Variants in SLC13A5 observed in about 807,000 individuals in gnomAD.
SLC13A5 encodes the protein solute carrier family 13 member 5, also known as Na(+)/citrate cotransporter.
A neutral mutation model predicts 56.5 loss-of-function variants in SLC13A5; 25 were observed. The observed-to-expected ratio is 0.44, with a 90% CI of 0.32 to 0.62. SLC13A5 has a LOEUF of 0.62. Among genes scored for constraint, SLC13A5 ranks in the 20% least tolerant of loss-of-function variants. The pLI, the probability that SLC13A5 is intolerant of heterozygous loss-of-function variation, is 0.04. For synonymous variants in SLC13A5, 307 were observed against 301.5 expected (o/e 1.02, Z -0.19); for missense variants, 649 against 737.8 (o/e 0.88, Z 1.39).
chr17:6,705,235 G>A (rs564145446), intron 3 of SLC13A5: 1 of 152,352 alleles, frequency 6.6e-6, no homozygotes, highest in East Asian at 1.9e-4. Flanking sequence ...AGTTGTCTGA[G>A]AAGAACCAAG....
In SLC13A5 at chr17:6,702,958, C is replaced by G. The variant is rs750283400; in HGVS notation, c.716+12G>C. 2 of 1,606,692 alleles carry G rather than the reference C, an allele frequency of 1.2e-6. No homozygotes were observed. The highest frequency in any genetic ancestry group is 1.3e-5 in the African/African-American group (1 of 74,866). On this transcript the variant is annotated intron_variant, in intron 5 of 11. Coordinates refer to ENST00000433363, the MANE Select transcript of SLC13A5 (RefSeq NM_177550.5). ...ACTTCGTTGTCCCCAGAAGGTGCGACCAAGGACTCACTCGTTCATCTGGCC... is the reference window on the plus strand; with the variant it reads ...ACTTCGTTGTCCCCAGAAGGTGCGAGCAAGGACTCACTCGTTCATCTGGCC...
chr17:6,699,750 C>T (rs1160519169), intron 6 of SLC13A5, among the ~76,000 whole-genome samples: 11 of 151,918 alleles, frequency 7.2e-5, no homozygotes, highest in Non-Finnish European at 1.5e-4. Flanking sequence ...GGATTTCAGG[C>T]GTGGGCTACC....
chr17:6,706,559 G>T, intron 3 of SLC13A5, 83 bp downstream of exon 3: 1 of 1,540,198 alleles, frequency 6.5e-7, no homozygotes, highest in Non-Finnish European at 8.8e-7. Context: ...CCAGTGGATG[G>T]CCTGGTCTGT....
chr17:6,706,978 G>C (rs984931378), intron 2 of SLC13A5, 50 bp downstream of exon 2: 1 of 1,430,304 alleles, frequency 7.0e-7, no homozygotes, highest in African/African-American at 1.4e-5. Context: ...ACTAGAGAAA[G>C]AGAGAAGGGG....
At position 6,687,800 on chromosome 17, in the gene SLC13A5, T is replaced by C. The variant is rs1973291024; in HGVS notation, c.1438-134A>G. On this transcript the variant is annotated intron_variant, in intron 10 of 11. Coordinates refer to ENST00000433363, the MANE Select transcript of SLC13A5 (RefSeq NM_177550.5). This position sits in a 1 kb window ranked among gnomAD's most constrained non-coding sequence, Gnocchi z 5.0. ...CCTCAGTCTTGGTTCCTCTCCCTTT[T>C]GCCACGTCTCTGGCAGATAATTCCA... The C allele has an allele frequency of 1.1e-5, 12 of 1,138,218 alleles. No homozygotes were observed. Among genetic ancestry groups the C allele is most frequent in the South Asian group, 8.1e-5 (4 of 49,674 alleles). 70.5% of individuals were successfully genotyped at this position (1,138,218 alleles called of 1,614,324 possible).
chr17:6,691,033 C>T, intron 9 of SLC13A5, 93 bp from the exon 10 acceptor site: 1 of 1,401,570 alleles, frequency 7.1e-7, no homozygotes, highest in South Asian at 1.4e-5. Flanking sequence ...CCCTCCCGAC[C>T]CTCTCTCTCT....
chr17:6,693,075 C>T lies in SLC13A5; in HGVS notation c.1244G>A (p.Gly415Glu). ...KVPWGIVLLLGGGFALAKGSE... is the reference protein window; with the variant it reads ...KVPWGIVLLLEGGFALAKGSE... ...TCCTTTAGCCAGAGCAAATCCGCCCCCTAGTAGCAGCACGATGCCCCAGGG... is the reference window on the plus strand; with the variant it reads ...TCCTTTAGCCAGAGCAAATCCGCCCTCTAGTAGCAGCACGATGCCCCAGGG... Residue 415 changes from glycine to glutamate, a missense_variant, in exon 9 of 12, where the codon GGG (glycine) becomes GAG (glutamate). Coordinates refer to ENST00000433363, the MANE Select transcript of SLC13A5 (RefSeq NM_177550.5). 6.2e-6 allele frequency: 10 copies of T among 1,614,084 alleles called. No homozygotes were observed. The highest frequency in any genetic ancestry group is 8.5e-6 in the Non-Finnish European group (10 of 1,180,018).
chr17:6,713,197 G>T lies in SLC13A5; in HGVS notation c.102+35C>A. 1 of 1,601,088 alleles carries T rather than the reference G, an allele frequency of 6.2e-7. No individual in the cohort carries two copies. On this transcript the variant is annotated intron_variant, in intron 1 of 11. Coordinates refer to ENST00000433363, the MANE Select transcript of SLC13A5 (RefSeq NM_177550.5). This position sits in a 1 kb window ranked among gnomAD's most constrained non-coding sequence, Gnocchi z 7.3. ...TGCCCGTTAGTGGGCACAGGACGCC[G>T]GGTGTCCGAAGGGCTGCCTGGAGAT...
chr17:6,706,103 C>T (rs1973856789), intron 3 of SLC13A5, among the ~76,000 whole-genome samples: 1 of 152,126 alleles, frequency 6.6e-6, no homozygotes, highest in African/African-American at 2.4e-5. Flanking sequence ...TATATTGACT[C>T]CATGGCTTAG....
intron 1 of SLC13A5, among the ~76,000 whole-genome samples, chr17:6,709,021 G>T: frequency 7.6e-6 from 1 of 131,110 alleles, no homozygotes; most frequent in Admixed American, 8.0e-5. Context: ...GACAGGGTCT[G>T]GCTCTGTTGC....
At chr17:6,700,445 G>T (rs528147231) in intron 6 of SLC13A5, among the ~76,000 whole-genome samples, 9 of 152,212 alleles carry the variant, frequency 5.9e-5, no homozygotes, top group African/African-American at 2.2e-4. Context: ...GAGCGTATGC[G>T]CTCAGCTCAG....
chr17:6,699,084 TAAATAAAATA>T lies in SLC13A5; in HGVS notation c.839+1910_839+1919del, dbSNP rs377237327. On this transcript the variant is annotated intron_variant, in intron 6 of 11. Transcript: ENST00000433363. The stretch of plus-strand genomic sequence containing the variant: ...ATAAATAAATAAATAAATAAATAAA[TAAATAAAATA>T]AAATAAAATAAAATAAAGAAAGGAA... Among the ~76,000 whole-genome samples the T allele has an allele frequency of 2.8e-3, 327 of 115,290 alleles. 2 individuals are homozygous for T. The highest frequency in any genetic ancestry group is 3.2e-3 in the Non-Finnish European group (175 of 54,886). The allele number at this position is 115,290 out of a possible 152,430, so 75.6% of individuals were successfully genotyped here.
chr17:6,706,240 A>G (rs1241031715), intron 3 of SLC13A5, among the ~76,000 whole-genome samples: 1 of 152,092 alleles, frequency 6.6e-6, no homozygotes. Context: ...GCTTGGAGAG[A>G]GGACCTTTCT....
chr17:6,693,291 A>T (rs74913999), intron 8 of SLC13A5, 129 bp from the exon 9 acceptor site: 174 of 622,272 alleles, frequency 2.8e-4, no homozygotes, highest in African/African-American at 2.5e-3. Flanking sequence ...AATAAGGACA[A>T]TGAGGTACCA....
In SLC13A5 at chr17:6,687,540, C is replaced by A. The variant is rs1221511903; in HGVS notation, c.1564G>T (p.Val522Phe). The change falls in exon 11 of 12, where the codon GTT (valine) becomes TTT (phenylalanine). Residue 522 changes from valine to phenylalanine, a missense_variant. Val to Phe is a conservative substitution (Grantham distance 50). Coordinates refer to ENST00000433363, the MANE Select transcript of SLC13A5 (RefSeq NM_177550.5). This position sits in a 1 kb window ranked among gnomAD's most constrained non-coding sequence, Gnocchi z 5.0. Reference protein sequence around the residue: ...AIVFTYGHLKVADMVKTGVIM... With the variant: ...AIVFTYGHLKFADMVKTGVIM... Reference sequence around the variant, plus strand: ...AACAGCTGTGTTACCATGTCAGCAACCTTGAGGTGCCCATAGGTGAACACG... The same window carrying A: ...AACAGCTGTGTTACCATGTCAGCAAACTTGAGGTGCCCATAGGTGAACACG... The A allele has an allele frequency of 4.3e-6, 7 of 1,613,404 alleles. No individual in the cohort carries two copies. The highest frequency in any genetic ancestry group is 1.6e-4 in the Middle Eastern group (1 of 6,078).
Position 6,706,820 on chromosome 17 carries a change from C to T in SLC13A5, c.232-42G>A, listed in dbSNP as rs374168392. 18 of 1,609,458 alleles carry T rather than the reference C, an allele frequency of 1.1e-5. No homozygotes were observed. The African/African-American group carries it at 2.3e-4, about 20-fold the overall frequency. ...AGGCCTCATCAGGACTGTCCCTTGC[C>T]ACACACTAGAGCCACCCAGTCCCCA... On this transcript the variant is annotated intron_variant, in intron 2 of 11. Coordinates refer to ENST00000433363, the MANE Select transcript of SLC13A5 (RefSeq NM_177550.5).
rs200900896 is a variant in SLC13A5, at chr17:6,693,178, A to AAC, written c.1157-18_1157-17dup. 64,362 of 688,052 alleles carry AAC rather than the reference A, an allele frequency of 0.094. 2,117 individuals carry two copies. The highest frequency in any genetic ancestry group is 0.18 in the East Asian group (4,938 of 27,688). 42.6% of individuals were successfully genotyped at this position (688,052 alleles called of 1,614,324 possible). On this transcript the variant is annotated splice_polypyrimidine_tract_variant and intron_variant, in intron 8 of 11. Transcript: ENST00000433363. The stretch of plus-strand genomic sequence containing the variant: ...GTTTTCCTTTCTGGGAAGAAAAAGA[A>AAC]ACACACACACACACACACACACACA...
Position 6,713,223 on chromosome 17 carries a change from G to A in SLC13A5, c.102+9C>T. On this transcript the variant is annotated intron_variant, in intron 1 of 11. Coordinates refer to ENST00000433363, the MANE Select transcript of SLC13A5 (RefSeq NM_177550.5). The surrounding 1 kb of genome is among the most constrained non-coding windows in gnomAD (Gnocchi z 7.3). ...GGTGTCCGAAGGGCTGCCTGGAGATGCAACTGACCTTGGCGGGCATCAGAA... is the reference window on the plus strand; with the variant it reads ...GGTGTCCGAAGGGCTGCCTGGAGATACAACTGACCTTGGCGGGCATCAGAA... 1 of 1,613,332 alleles carries A rather than the reference G, an allele frequency of 6.2e-7. No individual in the cohort carries two copies. The highest frequency in any genetic ancestry group is 8.5e-7 in the Non-Finnish European group (1 of 1,179,606).
Position 6,687,719 on chromosome 17 carries a change from G to A in SLC13A5, c.1438-53C>T, listed in dbSNP as rs961311799. 5.3e-6 allele frequency: 8 copies of A among 1,501,276 alleles called. No individual in the cohort carries two copies. Among genetic ancestry groups the A allele is most frequent in the Non-Finnish European group, 7.1e-6 (8 of 1,128,206 alleles). 93.0% of individuals were successfully genotyped at this position (1,501,276 alleles called of 1,614,324 possible). A position where few individuals can be genotyped will look rare whatever the true frequency, so the allele number is the denominator to read the frequency against. On this transcript the variant is annotated intron_variant, in intron 10 of 11. Transcript: ENST00000433363. The surrounding 1 kb of genome is among the most constrained non-coding windows in gnomAD (Gnocchi z 5.0). ...CCGTACAGAACACAGAAGCTCTTGGGGACGTGATTCTGAAAAGGATTCTCT... is the reference window on the plus strand; with the variant it reads ...CCGTACAGAACACAGAAGCTCTTGGAGACGTGATTCTGAAAAGGATTCTCT...
Sources: allele counts gnomAD v4.1 joint callset (sites outside exome capture counted in the v4.1 genomes callset), GRCh38; gene constraint gnomAD v4.1.1; non-coding constraint Gnocchi (gnomAD v3.1); transcripts MANE v1.5; gene names NCBI Gene and HGNC (gene_info 2026-07-23, HGNC 2026-07-21).